DPP8: variants seen among roughly 807,000 people sequenced by gnomAD.
DPP8 encodes the protein DPP VIII.
DPP8 carries 31 observed loss-of-function variants against 107.5 expected under a neutral mutation model. The ratio of observed to expected loss-of-function variants is 0.29; its 90% confidence interval spans 0.22 to 0.39. The LOEUF (loss-of-function observed/expected upper bound fraction) is 0.39, where lower values mean the gene tolerates loss of function less well. DPP8 is among the 10% of genes least tolerant of loss of function. The pLI, the probability that DPP8 is intolerant of heterozygous loss-of-function variation, is 1.00. For missense variants in DPP8, 842 were observed against 1,076.1 expected, an observed-to-expected ratio of 0.78 and a Z score of 3.04; for synonymous variants, 381 against 356.6, an observed-to-expected ratio of 1.07 and a Z score of -0.77.
At chr15:65,512,244 A>T (rs764152207) in intron 2 of DPP8, 51 bp downstream of exon 2, 3 of 1,543,626 alleles carry the variant, frequency 1.9e-6, no homozygotes, top group Non-Finnish European at 2.6e-6. Flanking sequence ...CTAGACTTTA[A>T]GTTTGACTTA....
At chr15:65,453,488 G>T (rs2064141927) in intron 17 of DPP8, among the ~76,000 whole-genome samples, 1 of 152,060 alleles carries the variant, frequency 6.6e-6, no homozygotes, top group Non-Finnish European at 1.5e-5. Context: ...AAACTTGAAG[G>T]CTGGGCGCAG....
intron 3 of DPP8, among the ~76,000 whole-genome samples, chr15:65,503,442 C>A (rs763689724): frequency 1.3e-5 from 2 of 150,550 alleles, no homozygotes; most frequent in Non-Finnish European, 3.0e-5. Flanking sequence ...TTTTTTCTTT[C>A]TTTTCTTTTT....
At chr15:65,489,906 A>ACGGGGTTT (rs1241927463) in intron 6 of DPP8, among the ~76,000 whole-genome samples, 5 of 150,206 alleles carry the variant, frequency 3.3e-5, no homozygotes, top group Non-Finnish European at 5.9e-5. Context: ...TTTATTAGAA[A>ACGGGGTTT]CGGGGTTTCA....
In DPP8 at chr15:65,480,419, A is replaced by G. The variant is rs369518971; in HGVS notation, c.1119-20T>C. ...CAAGCACTATTTAAATAAATAAAAG[A>G]GAAGAACCAGAAATAAAGCAAGCTA... On this transcript the variant is annotated intron_variant, in intron 9 of 19. Transcript: ENST00000300141. 2.5e-6 allele frequency: 4 copies of G among 1,575,990 alleles called. No individual in the cohort carries two copies. The African/African-American group carries it at 4.1e-5, about 16-fold the overall frequency.
intron 3 of DPP8, 94 bp from the exon 4 acceptor site, chr15:65,500,873 C>A (rs1413877731): frequency 6.4e-5 from 21 of 328,896 alleles, no homozygotes; most frequent in Non-Finnish European, 9.5e-5. Context: ...ATTATTGACT[C>A]TTTTTTTTTT....
rs148460984 is a variant in DPP8, at chr15:65,481,637, G to C, written c.1018-22C>G. ...TGATCTATTAAAAAAGAAAAAAAAA[G>C]AATCTAGTTATAGAAGATTTAGATA... On this transcript the variant is annotated intron_variant, in intron 8 of 19. Coordinates refer to ENST00000300141, the MANE Select transcript of DPP8 (RefSeq NM_130434.5). The C allele has an allele frequency of 2.3e-4, 281 of 1,232,080 alleles. 1 individual carries two copies. In the African/African-American group the frequency reaches 4.0e-3, roughly 17 times the overall value. 76.3% of individuals were successfully genotyped at this position (1,232,080 alleles called of 1,614,324 possible). A position where few individuals can be genotyped will look rare whatever the true frequency, so the allele number is the denominator to read the frequency against.
chr15:65,463,654 T>G, intron 15 of DPP8, 107 bp downstream of exon 15: 1 of 941,838 alleles, frequency 1.1e-6, no homozygotes, highest in Non-Finnish European at 1.5e-6. Context: ...TAAAAGCAAA[T>G]GCCCAACAAT....
At chr15:65,457,633 T>G (rs1034381654) in intron 15 of DPP8, among the ~76,000 whole-genome samples, 1 of 152,224 alleles carries the variant, frequency 6.6e-6, no homozygotes, top group Non-Finnish European at 1.5e-5. Context: ...TAGTCTGACA[T>G]GTTCACTGGG....
At chr15:65,468,932 C>T (rs1021021376) in intron 12 of DPP8, among the ~76,000 whole-genome samples, 2 of 152,068 alleles carry the variant, frequency 1.3e-5, no homozygotes, top group East Asian at 1.9e-4. Flanking sequence ...AGCCCCACCA[C>T]CAGAGTTTGA....
At chr15:65,448,865 A>AATATATATATATGTGTGTGT (rs2063708066) in intron 19 of DPP8, among the ~76,000 whole-genome samples, 1 of 53,312 alleles carries the variant, frequency 1.9e-5, no homozygotes, top group African/African-American at 6.3e-5. Context: ...ATATATCTAA[A>AATATATATATATGTGTGTGT]ATATATATAT....
intron 5 of DPP8, among the ~76,000 whole-genome samples, 159 bp downstream of exon 5, chr15:65,497,702 AAGT>A (rs1244532479): frequency 6.6e-6 from 1 of 152,204 alleles, no homozygotes; most frequent in Non-Finnish European, 1.5e-5. Flanking sequence ...TGGTACATAC[AAGT>A]TATCCTCTGT....
intron 11 of DPP8, among the ~76,000 whole-genome samples, chr15:65,477,948 A>G (rs191373045): frequency 6.6e-6 from 1 of 152,316 alleles, no homozygotes; most frequent in Admixed American, 6.5e-5. Context: ...CTATATTATT[A>G]AAGTTGAGAA....
In DPP8 at chr15:65,451,199, TA is replaced by T. The variant is rs1229284264; in HGVS notation, c.2415-90del. ...CTTATTTAATCATACTTAACCATAT[TA>T]ACTTCCTTATACTGTAATGTTAGAA... On this transcript the variant is annotated intron_variant, in intron 18 of 19. Transcript: ENST00000300141. 4 of 773,014 alleles carry T rather than the reference TA, an allele frequency of 5.2e-6. No homozygotes were observed. In the African/African-American group the frequency reaches 7.0e-5, roughly 13 times the overall value. 47.9% of individuals were successfully genotyped at this position (773,014 alleles called of 1,614,324 possible).
At chr15:65,469,652 TCAAAAAAAA>T (rs2065677526) in intron 12 of DPP8, among the ~76,000 whole-genome samples, 1 of 37,706 alleles carries the variant, frequency 2.7e-5, no homozygotes, top group African/African-American at 1.9e-4. Context: ...AAACTCCGTC[TCAAAAAAAA>T]AAAAAAAAAA....
intron 12 of DPP8, among the ~76,000 whole-genome samples, chr15:65,468,998 CGA>C (rs2065610639): frequency 6.6e-6 from 1 of 151,954 alleles, no homozygotes; most frequent in South Asian, 2.1e-4. Context: ...TTTTTGAGAC[CGA>C]GTTTCGCTCT....
intron 7 of DPP8, among the ~76,000 whole-genome samples, chr15:65,486,619 T>C (rs1423278970): frequency 7.8e-5 from 4 of 51,012 alleles, no homozygotes; most frequent in Non-Finnish European, 1.2e-4. Flanking sequence ...AAATGTAGTA[T>C]ATATACAACA....
chr15:65,495,406 C>G (rs1408456493), intron 5 of DPP8, among the ~76,000 whole-genome samples: 2 of 151,524 alleles, frequency 1.3e-5, no homozygotes, highest in Non-Finnish European at 2.9e-5. Flanking sequence ...GAGTTCAACA[C>G]CAGCCTGGTC....
chr15:65,471,987 G>C (rs62015041), intron 12 of DPP8, among the ~76,000 whole-genome samples: 1 of 152,090 alleles, frequency 6.6e-6, no homozygotes, highest in African/African-American at 2.4e-5. Flanking sequence ...AACTATATGT[G>C]TCACACACAT....
intron 6 of DPP8, among the ~76,000 whole-genome samples, chr15:65,488,201 T>A (rs1439091579): frequency 1.3e-5 from 2 of 152,190 alleles, no homozygotes; most frequent in Non-Finnish European, 2.9e-5. Context: ...TTGAATAGTT[T>A]CTGTATTTAT....
Sources: gnomAD v4.1 joint callset for allele counts (sites outside exome capture counted in the v4.1 genomes callset) on GRCh38, gnomAD v4.1.1 for gene constraint, MANE v1.5 for transcripts, NCBI Gene and HGNC (gene_info 2026-07-23, HGNC 2026-07-21) for gene names.